The following GRID2 variants were observed in gnomAD, a reference collection of about 807,000 sequenced individuals.
GRID2 encodes glutamate ionotropic receptor delta type subunit 2.
In GRID2, 33 loss-of-function variants were observed where a neutral mutation model predicts 114.8. That is an observed-to-expected ratio of 0.29 (90% CI 0.22 to 0.38). The LOEUF (loss-of-function observed/expected upper bound fraction) is 0.38. Ranked by LOEUF, GRID2 falls within the 10% of genes least tolerant of loss-of-function variation. The pLI, the probability that GRID2 is intolerant of heterozygous loss-of-function variation, is 1.00. For synonymous variants in GRID2, 505 were observed against 449.9 expected, an observed-to-expected ratio of 1.12 and a Z score of -1.55; for missense variants, 1,184 against 1,257.7, an observed-to-expected ratio of 0.94 and a Z score of 0.89.
chr4:93,276,319 C>T (rs576346588), intron 8 of GRID2, among the ~76,000 whole-genome samples: 1 of 152,078 alleles, frequency 6.6e-6, no homozygotes, highest in South Asian at 2.1e-4. Context: ...TATCTCTGTC[C>T]TAATACCAGT....
In GRID2 at chr4:92,436,460, GATTTT is replaced by G. The variant is rs564460511; in HGVS notation, c.88+131726_88+131730del. Reference sequence around the variant, plus strand: ...TTTCAGTACACATTTCTGGGCATCTGATTTTATTTTATTTATGAAATGCTACTACT... The same window carrying G: ...TTTCAGTACACATTTCTGGGCATCTGATTTTATTTATGAAATGCTACTACT... On this transcript the variant is annotated intron_variant, in intron 1 of 15. Coordinates refer to ENST00000282020, the MANE Select transcript of GRID2 (RefSeq NM_001510.4). Among the ~76,000 whole-genome samples, 484 of 152,138 alleles carry G rather than the reference GATTTT, an allele frequency of 3.2e-3. 4 individuals are homozygous for G. Among genetic ancestry groups the G allele is most frequent in the African/African-American group, 0.011 (447 of 41,536 alleles).
Position 92,652,797 on chromosome 4 carries a change from GAA to G in GRID2, c.244+62520_244+62521del, listed in dbSNP as rs1237515009. ...TCAAGACCAGCCTGGCCAAGATGGT[GAA>G]AAAAAAAATATATATATATATATAA... On this transcript the variant is annotated intron_variant, in intron 2 of 15. Transcript: ENST00000282020. Among the ~76,000 whole-genome samples, 34 of 114,700 alleles carry G rather than the reference GAA, an allele frequency of 3.0e-4. 2 individuals carry two copies. The highest frequency in any genetic ancestry group is 1.1e-3 in the African/African-American group (32 of 29,032). The allele number at this position is 114,700 out of a possible 152,430, so 75.2% of individuals were successfully genotyped here. A position where few individuals can be genotyped will look rare whatever the true frequency, so the allele number is the denominator to read the frequency against.
intron 8 of GRID2, among the ~76,000 whole-genome samples, chr4:93,241,278 T>C (rs879377147): frequency 1.3e-4 from 19 of 151,798 alleles, no homozygotes; most frequent in Non-Finnish European, 2.2e-4. Context: ...GCAAATTGTC[T>C]TGTCATTTGC....
chr4:92,487,910 A>T (rs1460796216), intron 1 of GRID2, among the ~76,000 whole-genome samples: 1 of 152,120 alleles, frequency 6.6e-6, no homozygotes, highest in African/African-American at 2.4e-5. Flanking sequence ...TAAGAAAACA[A>T]TTTCATATAT....
chr4:93,637,424 G>GACA (rs1181526165), intron 14 of GRID2, among the ~76,000 whole-genome samples: 1 of 152,100 alleles, frequency 6.6e-6, no homozygotes, highest in African/African-American at 2.4e-5. Flanking sequence ...TGCTGTCAAA[G>GACA]ACAATACTAT....
At chr4:93,578,585 G>GTTTTTTTTTTTTTTTTTTTTTTTTT (rs1736642083) in intron 13 of GRID2, among the ~76,000 whole-genome samples, 1 of 115,260 alleles carries the variant, frequency 8.7e-6, no homozygotes, top group African/African-American at 3.8e-5. Context: ...CTTGTTTTTT[G>GTTTTTTTTTTTTTTTTTTTTTTTTT]TATTTTTTTT....
At chr4:92,730,682 C>A (rs1221774789) in intron 2 of GRID2, among the ~76,000 whole-genome samples, 1 of 151,878 alleles carries the variant, frequency 6.6e-6, no homozygotes, top group African/African-American at 2.4e-5. Flanking sequence ...AATAACATGG[C>A]ATCTTTCACC....
chr4:93,213,516 A>G (rs1279413820), intron 5 of GRID2, among the ~76,000 whole-genome samples: 2 of 152,228 alleles, frequency 1.3e-5, no homozygotes, highest in Non-Finnish European at 2.9e-5. Flanking sequence ...TTTTGTATTT[A>G]TCAACATTTA....
At chr4:92,406,186 T>C (rs541007206) in intron 1 of GRID2, among the ~76,000 whole-genome samples, 41 of 152,296 alleles carry the variant, frequency 2.7e-4, no homozygotes, top group South Asian at 4.1e-4. Flanking sequence ...GGCAACACCC[T>C]TACAGACACA....
In GRID2 at chr4:93,202,971, T is replaced by TTGTG. The variant is rs1396511689; in HGVS notation, c.736-4423_736-4420dup. Among the ~76,000 whole-genome samples the TTGTG allele has an allele frequency of 2.6e-5, 4 of 151,818 alleles. No homozygotes were observed. The East Asian group carries it at 5.8e-4, about 22-fold the overall frequency. On this transcript the variant is annotated intron_variant, in intron 4 of 15. Transcript: ENST00000282020. The stretch of plus-strand genomic sequence containing the variant: ...ATATCATACTACTATACATTCTTTT[T>TTGTG]TGTGTGTGTGTGTATGTGTGTGTAT...
At chr4:92,666,252 TTTAG>T (rs1732770634) in intron 2 of GRID2, among the ~76,000 whole-genome samples, 1 of 151,598 alleles carries the variant, frequency 6.6e-6, no homozygotes, top group Non-Finnish European at 1.5e-5. Flanking sequence ...AGACCTTCCT[TTTAG>T]TTATTTTTAA....
intron 4 of GRID2, among the ~76,000 whole-genome samples, chr4:93,123,613 A>G (rs1039432739): frequency 5.3e-5 from 8 of 152,204 alleles, no homozygotes; most frequent in Non-Finnish European, 1.0e-4. Flanking sequence ...TAATAAAACC[A>G]TAAGAACAGA....
chr4:93,074,212 G>T (rs900751312), intron 2 of GRID2, among the ~76,000 whole-genome samples: 1 of 152,154 alleles, frequency 6.6e-6, no homozygotes, highest in Non-Finnish European at 1.5e-5. Context: ...TGACTAGATT[G>T]CTACAGCCAT....
intron 2 of GRID2, among the ~76,000 whole-genome samples, chr4:93,048,979 T>G (rs1726431189): frequency 6.6e-6 from 1 of 152,086 alleles, no homozygotes; most frequent in Admixed American, 6.6e-5. Context: ...TTTGATTTCC[T>G]TGGTGGCCTC....
At chr4:92,450,909 AAAT>A (rs70940889) in intron 1 of GRID2, among the ~76,000 whole-genome samples, 23,471 of 148,514 alleles carry the variant, frequency 0.16, 2,337 homozygotes, top group African/African-American at 0.28. Context: ...AATAAAAATA[AAAT>A]AATATTTAAA....
intron 4 of GRID2, among the ~76,000 whole-genome samples, chr4:93,121,980 G>A (rs1733822482): frequency 6.6e-6 from 1 of 152,044 alleles, no homozygotes; most frequent in Non-Finnish European, 1.5e-5. Flanking sequence ...CTCATGATTT[G>A]TAGAAGCCCT....
chr4:92,487,570 AC>A (rs1722954580), intron 1 of GRID2, among the ~76,000 whole-genome samples: 4 of 152,194 alleles, frequency 2.6e-5, no homozygotes, highest in Admixed American at 2.6e-4. Flanking sequence ...CCAATAAATA[AC>A]TACATTGTCT....
At chr4:92,364,978 T>C (rs771264611) in intron 1 of GRID2, among the ~76,000 whole-genome samples, 30 of 152,100 alleles carry the variant, frequency 2.0e-4, no homozygotes, top group Admixed American at 8.5e-4. Flanking sequence ...AGAGTAGTGG[T>C]TTCCCAGCAA....
At chr4:93,757,042 G>A (rs1732810230) in intron 14 of GRID2, among the ~76,000 whole-genome samples, 1 of 152,188 alleles carries the variant, frequency 6.6e-6, no homozygotes, top group Admixed American at 6.5e-5. Context: ...TTTTTGCAGA[G>A]GAGATGGAAT....
Sources: gnomAD v4.1 joint callset for allele counts (sites outside exome capture counted in the v4.1 genomes callset) on GRCh38, gnomAD v4.1.1 for gene constraint, MANE v1.5 for transcripts, NCBI Gene and HGNC (gene_info 2026-07-23, HGNC 2026-07-21) for gene names.